BRWD3: variants seen among roughly 807,000 people sequenced by gnomAD.
BRWD3 encodes bromodomain and WD repeat-containing protein 3.
A neutral mutation model predicts 149.7 loss-of-function variants in BRWD3; 10 were observed. That is an observed-to-expected ratio of 0.07 (90% CI 0.04 to 0.11). BRWD3 has a LOEUF of 0.11. BRWD3 is among the 10% of genes least tolerant of loss of function. The pLI is 1.00. For synonymous variants in BRWD3, 504 were observed against 456.7 expected, an observed-to-expected ratio of 1.10 and a Z score of -1.32; for missense variants, 940 against 1,373.2, an observed-to-expected ratio of 0.68 and a Z score of 4.99.
rs1483693424 is a variant in BRWD3, at chrX:80,692,308, C to T, written c.3264-158G>A. Among the ~76,000 whole-genome samples, 3 of 111,724 alleles carry T rather than the reference C, an allele frequency of 2.7e-5. No individual in the cohort carries two copies. In the Admixed American group the frequency reaches 2.9e-4, roughly 11 times the overall value. On this transcript the variant is annotated intron_variant, in intron 28 of 40. Coordinates refer to ENST00000373275, the MANE Select transcript of BRWD3 (RefSeq NM_153252.5). ...CCGGTTACATACAGATAACAATAAACTTCTAATAGAGAAAACATGGTCCAT... is the reference window on the plus strand; with the variant it reads ...CCGGTTACATACAGATAACAATAAATTTCTAATAGAGAAAACATGGTCCAT...
chrX:80,695,770 TTTAAC>T (rs2072681378), intron 27 of BRWD3, 133 bp downstream of exon 27: 1 of 513,571 alleles, frequency 1.9e-6, no homozygotes. Flanking sequence ...AAAAGGAAAT[TTTAAC>T]TTAAGTTTTC....
intron 25 of BRWD3, among the ~76,000 whole-genome samples, 180 bp from the exon 26 acceptor site, chrX:80,697,043 T>G (rs1037064808): frequency 9.0e-6 from 1 of 111,596 alleles, no homozygotes; most frequent in Non-Finnish European, 1.9e-5. Context: ...TGTAGTTTAG[T>G]GCAAGGCTCT....
intron 40 of BRWD3, among the ~76,000 whole-genome samples, chrX:80,680,969 C>CTTTTTTT (rs904634410): frequency 2.7e-5 from 2 of 74,752 alleles, no homozygotes; most frequent in African/African-American, 5.1e-5. Context: ...CATGTGGCTA[C>CTTTTTTT]TTTTTTTTTT....
At chrX:80,743,168 C>G (rs1459413432) in intron 8 of BRWD3, among the ~76,000 whole-genome samples, 2 of 111,771 alleles carry the variant, frequency 1.8e-5, no homozygotes, top group Non-Finnish European at 3.8e-5. Flanking sequence ...TGGTTCTTGT[C>G]TTTGGTTCTG....
At position 80,670,510 on chromosome X, in the gene BRWD3, G is replaced by C. The variant is rs1451657501; in HGVS notation, c.*6099C>G. 9.1e-6 allele frequency among the ~76,000 whole-genome samples: 1 copy of C among 109,971 alleles called. No individual in the cohort carries two copies. The highest frequency in any genetic ancestry group is 3.3e-5 in the African/African-American group (1 of 30,170). On this transcript the variant is annotated 3_prime_UTR_variant, in exon 41 of 41. Transcript: ENST00000373275. ...AGCTCACTGCAGCCTTGACCTCCCA[G>C]GCTCGAGTGATCCTCCCACCTGTCT...
chrX:80,792,069 C>T (rs2074187780), intron 5 of BRWD3, 117 bp from the exon 6 acceptor site: 2 of 509,647 alleles, frequency 3.9e-6, no homozygotes, highest in Non-Finnish European at 6.6e-6. Context: ...AATTATTAAA[C>T]CAAAATGAAA....
At chrX:80,787,051 A>G (rs1467546671) in intron 6 of BRWD3, among the ~76,000 whole-genome samples, 1 of 110,676 alleles carries the variant, frequency 9.0e-6, no homozygotes, top group Non-Finnish European at 1.9e-5. Flanking sequence ...AACAAAAAGA[A>G]AAAAAAAACA....
chrX:80,735,803 CAAAAAA>C (rs571194692), intron 9 of BRWD3, among the ~76,000 whole-genome samples, 179 bp downstream of exon 9: 1 of 45,526 alleles, frequency 2.2e-5, no homozygotes, highest in Non-Finnish European at 4.3e-5. Context: ...GACTCTGTCT[CAAAAAA>C]AAAAAAAAAA....
At chrX:80,784,344 G>GA (rs1267923685) in intron 6 of BRWD3, among the ~76,000 whole-genome samples, 1 of 111,902 alleles carries the variant, frequency 8.9e-6, no homozygotes, top group Non-Finnish European at 1.9e-5. Context: ...TACCATGATG[G>GA]ATAGTATCAA....
intron 6 of BRWD3, among the ~76,000 whole-genome samples, chrX:80,773,782 T>C (rs1344553961): frequency 2.7e-5 from 3 of 111,974 alleles, no homozygotes; most frequent in Non-Finnish European, 5.6e-5. Flanking sequence ...TTCCTTGAAG[T>C]CTTCCCATGT....
At chrX:80,731,812 G>A (rs904654836) in intron 12 of BRWD3, among the ~76,000 whole-genome samples, 1 of 102,422 alleles carries the variant, frequency 9.8e-6, no homozygotes, top group African/African-American at 3.6e-5. Flanking sequence ...GGAGAATGGC[G>A]TGAACCCGGG....
chrX:80,765,350 C>A (rs750068241), intron 6 of BRWD3, among the ~76,000 whole-genome samples: 23 of 111,871 alleles, frequency 2.1e-4, no homozygotes, highest in South Asian at 7.6e-4. Flanking sequence ...GTCTGAAATA[C>A]AAGAGCTCCT....
At chrX:80,744,280 T>G in intron 7 of BRWD3, 27 bp from the exon 8 acceptor site, 1 of 1,060,869 alleles carries the variant, frequency 9.4e-7, no homozygotes. Flanking sequence ...ACAATAGGTT[T>G]ATAATGAAGC....
intron 24 of BRWD3, among the ~76,000 whole-genome samples, chrX:80,702,353 G>T (rs573476519): frequency 8.9e-6 from 1 of 112,124 alleles, no homozygotes; most frequent in South Asian, 3.6e-4. Context: ...GAGAAAAATA[G>T]TCCTTAGACA....
chrX:80,809,162 C>G, intron 2 of BRWD3, 84 bp downstream of exon 2: 1 of 1,141,704 alleles, frequency 8.8e-7, no homozygotes, highest in South Asian at 1.9e-5. Context: ...TTCCCTCACC[C>G]TCAACGGAAC....
At chrX:80,747,330 G>T (rs1233371546) in intron 6 of BRWD3, among the ~76,000 whole-genome samples, 1 of 109,360 alleles carries the variant, frequency 9.1e-6, no homozygotes, top group East Asian at 2.9e-4. Context: ...ACTTTCCATT[G>T]CAGGGTGTTT....
At position 80,793,648 on chromosome X, in the gene BRWD3, C is replaced by T. The variant is rs1162413702; in HGVS notation, c.305G>A (p.Arg102Gln). The change falls in exon 5 of 41, where the codon CGG becomes CAG. Residue 102 changes from arginine (R) to glutamine (Q), a missense_variant. Transcript: ENST00000373275. ...PGVQTLLGVG[R>Q]QSLLRDAKDC... ...TTTGGCATCCCGTAGCAGAGACTGCCGACCAACACCTAATAATGTCTGTAC... is the reference window on the plus strand; with the variant it reads ...TTTGGCATCCCGTAGCAGAGACTGCTGACCAACACCTAATAATGTCTGTAC... The T allele has an allele frequency of 1.7e-6, 2 of 1,208,062 alleles. No homozygotes were observed. The highest frequency in any genetic ancestry group is 2.2e-6 in the Non-Finnish European group (2 of 894,226).
chrX:80,734,106 A>C lies in BRWD3; in HGVS notation c.1086+12T>G, dbSNP rs748163895. ...TTCAAAAATAAAGCAACCGTTTCTG[A>C]TTTTCTCTTACCGTATGTGACTCTA... is the stretch of plus-strand genomic sequence containing the variant. On this transcript the variant is annotated intron_variant, in intron 11 of 40. Transcript: ENST00000373275. The C allele has an allele frequency of 9.1e-7, 1 of 1,096,681 alleles. No homozygotes were observed. The highest frequency in any genetic ancestry group is 2.2e-5 in the Admixed American group (1 of 45,791). The allele number at this position is 1,096,681 out of a possible 1,213,427, so 90.4% of individuals were successfully genotyped here.
In BRWD3 at chrX:80,809,474, T is replaced by C. The variant is rs1378766289; in HGVS notation, c.-3A>G. Reference sequence around the variant, plus strand: ...ATCTGGGTAGGTGCTGCCGCCATCCTTTTCCCGAGGGGGTTTGGGGGCTTC... The same window carrying C: ...ATCTGGGTAGGTGCTGCCGCCATCCCTTTCCCGAGGGGGTTTGGGGGCTTC... On this transcript the variant is annotated 5_prime_UTR_variant, in exon 1 of 41. Transcript: ENST00000373275. 2.6e-6 allele frequency: 3 copies of C among 1,159,175 alleles called. No homozygotes were observed. The highest frequency in any genetic ancestry group is 3.5e-6 in the Non-Finnish European group (3 of 865,152).
Sources: gnomAD v4.1 joint callset for allele counts (sites outside exome capture counted in the v4.1 genomes callset) on GRCh38, gnomAD v4.1.1 for gene constraint, MANE v1.5 for transcripts, NCBI Gene and HGNC (gene_info 2026-07-23, HGNC 2026-07-21) for gene names.